PRKAA2: variants seen among roughly 807,000 people sequenced by gnomAD.
PRKAA2 encodes the protein protein kinase AMP-activated catalytic subunit alpha 2, also known as 5'-AMP-activated protein kinase catalytic subunit alpha-2.
PRKAA2 carries 40 observed loss-of-function variants against 56.3 expected under a neutral mutation model. The observed-to-expected ratio is 0.71, with a 90% confidence interval of 0.55 to 0.92. The LOEUF is 0.92. PRKAA2 is among the 40% of genes least tolerant of loss of function. PRKAA2 has a pLI of 0.00. For synonymous variants in PRKAA2, 214 were observed against 234.2 expected, an observed-to-expected ratio of 0.91 and a Z score of 0.79; for missense variants, 542 against 686.9, an observed-to-expected ratio of 0.79 and a Z score of 2.36.
At chr1:56,654,115 A>G (rs1229230976) in intron 1 of PRKAA2, among the ~76,000 whole-genome samples, 1 of 152,130 alleles carries the variant, frequency 6.6e-6, no homozygotes, top group Non-Finnish European at 1.5e-5. Flanking sequence ...ATGCTTTTCT[A>G]CCAAACTTTA....
rs1644361871 is a variant in PRKAA2 at position 56,710,363 on chromosome 1, TGA to T, written c.*2651_*2652del. The T allele has an allele frequency of 6.6e-6, 1 of 152,248 alleles. No homozygotes were observed. Among genetic ancestry groups the T allele is most frequent in the African/African-American group, 2.4e-5 (1 of 41,576 alleles). 9.4% of individuals were successfully genotyped at this position (152,248 alleles called of 1,614,324 possible). On this transcript the variant is annotated 3_prime_UTR_variant, in exon 9 of 9. Coordinates refer to ENST00000371244, the MANE Select transcript of PRKAA2 (RefSeq NM_006252.4). ...TGCATGCTACTCTTCCCCTCGAAGA[TGA>T]CAGTGGATGTCAGCATTAAAGACTT...
At chr1:56,680,329 G>C (rs1644144255) in intron 2 of PRKAA2, among the ~76,000 whole-genome samples, 1 of 151,940 alleles carries the variant, frequency 6.6e-6, no homozygotes, top group South Asian at 2.1e-4. Flanking sequence ...GTACTTAGGA[G>C]CAGGAATTAT....
intron 4 of PRKAA2, among the ~76,000 whole-genome samples, chr1:56,693,527 T>G (rs1344797097): frequency 6.6e-6 from 1 of 152,126 alleles, no homozygotes; most frequent in African/African-American, 2.4e-5. Flanking sequence ...ATCAACATTT[T>G]TATTTAGAAA....
chr1:56,712,790 T>G lies in PRKAA2; in HGVS notation c.*5077T>G, dbSNP rs1644377415. ...TCTCTTGAACCTGGGAGGCAGAGATTGCAATAAGCCAAGATCATGCCACTG... is the reference window on the plus strand; with the variant it reads ...TCTCTTGAACCTGGGAGGCAGAGATGGCAATAAGCCAAGATCATGCCACTG... On this transcript the variant is annotated 3_prime_UTR_variant, in exon 9 of 9. Transcript: ENST00000371244. The G allele has an allele frequency of 6.6e-6, 1 of 151,926 alleles. No homozygotes were observed. The highest frequency in any genetic ancestry group is 6.6e-5 in the Admixed American group (1 of 15,240). The allele number at this position is 151,926 out of a possible 1,614,324, so 9.4% of individuals were successfully genotyped here.
chr1:56,715,070 A>T lies in PRKAA2; in HGVS notation c.*7357A>T, dbSNP rs1569815708. On this transcript the variant is annotated 3_prime_UTR_variant, in exon 9 of 9. Transcript: ENST00000371244. ...TTCCAGTGCTTTTCTGTTCAAATAAACTCCGATTCAAATTTCAGTTTTGTT... is the reference window on the plus strand; with the variant it reads ...TTCCAGTGCTTTTCTGTTCAAATAATCTCCGATTCAAATTTCAGTTTTGTT... The T allele has an allele frequency of 1.3e-5, 2 of 152,070 alleles. No individual in the cohort carries two copies. Among genetic ancestry groups the T allele is most frequent in the African/African-American group, 4.8e-5 (2 of 41,490 alleles). 9.4% of individuals were successfully genotyped at this position (152,070 alleles called of 1,614,324 possible). A position where few individuals can be genotyped will look rare whatever the true frequency, so the allele number is the denominator to read the frequency against.
At chr1:56,675,534 C>T (rs1442545340) in intron 2 of PRKAA2, among the ~76,000 whole-genome samples, 1 of 152,214 alleles carries the variant, frequency 6.6e-6, no homozygotes, top group South Asian at 2.1e-4. Flanking sequence ...TGAGGTCAAG[C>T]CTGATTCCAA....
chr1:56,674,888 A>AT (rs560738431), intron 2 of PRKAA2, among the ~76,000 whole-genome samples: 171 of 152,078 alleles, frequency 1.1e-3, no homozygotes, highest in African/African-American at 3.9e-3. Flanking sequence ...CATTTTTATA[A>AT]TTTTTATCTA....
chr1:56,650,020 G>A (rs148460419), intron 1 of PRKAA2, among the ~76,000 whole-genome samples: 2,027 of 152,120 alleles, frequency 0.013, 14 homozygotes, highest in Non-Finnish European at 0.019. Context: ...ACTTGGACCC[G>A]GGAGGCGGAA....
intron 7 of PRKAA2, among the ~76,000 whole-genome samples, chr1:56,704,826 TTTCTC>T (rs933419389): frequency 1.1e-3 from 165 of 152,214 alleles, no homozygotes; most frequent in African/African-American, 3.5e-3. Context: ...TTATTTTTCT[TTTCTC>T]TTTTTTTTAG....
Position 56,712,512 on chromosome 1 carries a change from T to A in PRKAA2, c.*4799T>A, listed in dbSNP as rs995435608. 4 of 152,178 alleles carry A rather than the reference T, an allele frequency of 2.6e-5. No homozygotes were observed. The highest frequency in any genetic ancestry group is 5.9e-5 in the Non-Finnish European group (4 of 68,030). 9.4% of individuals were successfully genotyped at this position (152,178 alleles called of 1,614,324 possible). On this transcript the variant is annotated 3_prime_UTR_variant, in exon 9 of 9. Coordinates refer to ENST00000371244, the MANE Select transcript of PRKAA2 (RefSeq NM_006252.4). ...TGCTGAAGAAACTTTAAAACATGAT[T>A]CTTCTTATAATTTTATGTGATTCTT...
rs745344759 is a variant in PRKAA2, at chr1:56,707,635, A to C, written c.1581A>C (p.Ser527=). Residue 527 remains serine, a synonymous_variant, in exon 9 of 9, where the codon TCA becomes TCC. Transcript: ENST00000371244. ...TGSLTGSTLS[S]VSPRLGSHTM... Reference sequence around the variant, plus strand: ...CTTTGACCGGAAGCACATTGTCTTCAGTTTCACCTCGCCTGGGCAGTCACA... The same window carrying C: ...CTTTGACCGGAAGCACATTGTCTTCCGTTTCACCTCGCCTGGGCAGTCACA... 3 of 1,614,074 alleles carry C rather than the reference A, an allele frequency of 1.9e-6. No individual in the cohort carries two copies. In the South Asian group the frequency reaches 3.3e-5, roughly 18 times the overall value.
chr1:56,704,348 C>T lies in PRKAA2; in HGVS notation c.1166C>T (p.Thr389Met), dbSNP rs566846969. 92 of 1,613,960 alleles carry T rather than the reference C, an allele frequency of 5.7e-5. No individual in the cohort carries two copies. The highest frequency in any genetic ancestry group is 7.1e-5 in the Non-Finnish European group (84 of 1,180,030). The change falls in exon 7 of 9, where the codon ACG (threonine) becomes ATG (methionine). Residue 389 changes from threonine to methionine, a missense_variant. This residue lies in a region of PRKAA2 where 198 missense variants were observed against 234.0 expected (regional missense o/e 0.85). Coordinates refer to ENST00000371244, the MANE Select transcript of PRKAA2 (RefSeq NM_006252.4). ...KARCPLDALN[T>M]TKPKSLAVKK... is the part of the protein sequence containing the mutation. ...AGATGTCCATTGGATGCACTGAATA[C>T]GACTAAGCCCAAATCTTTAGCTGTG...
At chr1:56,646,132 C>T (rs78995109) in intron 1 of PRKAA2, among the ~76,000 whole-genome samples, 1 of 152,214 alleles carries the variant, frequency 6.6e-6, no homozygotes, top group African/African-American at 2.4e-5. Flanking sequence ...GATTCCTTCA[C>T]GTTCCAGGAC....
chr1:56,645,384 G>T lies in PRKAA2; in HGVS notation c.-4G>T. The T allele has an allele frequency of 6.8e-7, 1 of 1,477,794 alleles. No individual in the cohort carries two copies. The highest frequency in any genetic ancestry group is 3.0e-5 in the East Asian group (1 of 33,042). The allele number at this position is 1,477,794 out of a possible 1,614,324, so 91.5% of individuals were successfully genotyped here. A position where few individuals can be genotyped will look rare whatever the true frequency, so the allele number is the denominator to read the frequency against. On this transcript the variant is annotated 5_prime_UTR_variant, in exon 1 of 9. Transcript: ENST00000371244. Reference sequence around the variant, plus strand: ...GCGGTGGAGCGAGGCCGCGCGCGCCGAAGATGGCTGAGAAGCAGAAGCACG... The same window carrying T: ...GCGGTGGAGCGAGGCCGCGCGCGCCTAAGATGGCTGAGAAGCAGAAGCACG...
chr1:56,664,492 C>T (rs1644019463), intron 1 of PRKAA2, among the ~76,000 whole-genome samples: 2 of 151,630 alleles, frequency 1.3e-5, no homozygotes, highest in South Asian at 2.1e-4. Flanking sequence ...CTAATATTTA[C>T]TTGTTTATAT....
At chr1:56,663,358 G>C (rs1291035721) in intron 1 of PRKAA2, among the ~76,000 whole-genome samples, 1 of 152,168 alleles carries the variant, frequency 6.6e-6, no homozygotes, top group Non-Finnish European at 1.5e-5. Context: ...AAAGTGTTGG[G>C]ATTCACAGGT....
intron 8 of PRKAA2, 106 bp downstream of exon 8, chr1:56,706,324 G>T: frequency 2.2e-6 from 3 of 1,345,744 alleles, no homozygotes; most frequent in Non-Finnish European, 3.0e-6. Flanking sequence ...TCCTGCACTG[G>T]TTTTTAAGCA....
chr1:56,675,842 T>C (rs1276645784), intron 2 of PRKAA2, among the ~76,000 whole-genome samples: 1 of 152,082 alleles, frequency 6.6e-6, no homozygotes, highest in Non-Finnish European at 1.5e-5. Flanking sequence ...ACAACCAAAA[T>C]CATTGTTAGA....
intron 1 of PRKAA2, among the ~76,000 whole-genome samples, chr1:56,664,659 T>C (rs1172647023): frequency 6.6e-6 from 1 of 152,090 alleles, no homozygotes; most frequent in African/African-American, 2.4e-5. Flanking sequence ...GAGACTTGCT[T>C]TGGAGATAGC....
Sources: allele counts gnomAD v4.1 joint callset (sites outside exome capture counted in the v4.1 genomes callset), GRCh38; gene constraint gnomAD v4.1.1; regional missense constraint gnomAD v4.1.1; transcripts MANE v1.5; gene names NCBI Gene and HGNC (gene_info 2026-07-23, HGNC 2026-07-21).